CNTNAP4: variants seen among roughly 807,000 people sequenced by gnomAD.
CNTNAP4 encodes the protein contactin associated protein family member 4.
A neutral mutation model predicts 148.4 loss-of-function variants in CNTNAP4; 98 were observed. The ratio of observed to expected loss-of-function variants is 0.66; its 90% CI spans 0.56 to 0.78. CNTNAP4 has a LOEUF of 0.78. CNTNAP4 is among the 30% of genes least tolerant of loss of function. The pLI is 0.00. For missense variants in CNTNAP4, 1,935 were observed against 1,565.6 expected, an observed-to-expected ratio of 1.24 and a Z score of -3.98; for synonymous variants, 730 against 565.1, an observed-to-expected ratio of 1.29 and a Z score of -4.14.
chr16:76,349,420 T>C (rs1431001129), intron 2 of CNTNAP4, among the ~76,000 whole-genome samples: 1 of 152,056 alleles, frequency 6.6e-6, no homozygotes, highest in Non-Finnish European at 1.5e-5. Flanking sequence ...ACAGCATCAG[T>C]AGAGTCACGT....
chr16:76,381,593 T>G (rs2015971557), intron 3 of CNTNAP4, among the ~76,000 whole-genome samples: 1 of 152,146 alleles, frequency 6.6e-6, no homozygotes, highest in East Asian at 1.9e-4. Context: ...TTTAAGAGAA[T>G]TAACATGTGG....
chr16:76,546,444 A>T (rs753682317), intron 21 of CNTNAP4, among the ~76,000 whole-genome samples: 6 of 152,084 alleles, frequency 3.9e-5, no homozygotes, highest in Non-Finnish European at 8.8e-5. Context: ...TGAGAACCCT[A>T]TTGTGAACTG....
intron 3 of CNTNAP4, among the ~76,000 whole-genome samples, chr16:76,366,030 C>CT (rs1351338914): frequency 2.0e-5 from 3 of 151,860 alleles, no homozygotes; most frequent in South Asian, 2.1e-4. Context: ...TCCTGATATG[C>CT]TTTTTTGTTA....
chr16:76,302,578 T>A (rs1214789253), intron 1 of CNTNAP4, among the ~76,000 whole-genome samples: 1 of 152,098 alleles, frequency 6.6e-6, no homozygotes, highest in Non-Finnish European at 1.5e-5. Flanking sequence ...CTTTTGAAGG[T>A]CTCCCCTGAT....
intron 3 of CNTNAP4, among the ~76,000 whole-genome samples, chr16:76,364,233 CAAAAAA>C (rs58589609): frequency 4.2e-5 from 2 of 48,182 alleles, no homozygotes; most frequent in Non-Finnish European, 7.2e-5. Flanking sequence ...GATTCCATCT[CAAAAAA>C]AAAAAAAAAA....
At chr16:76,390,573 G>GT (rs1233676614) in intron 3 of CNTNAP4, among the ~76,000 whole-genome samples, 102 of 97,134 alleles carry the variant, frequency 1.1e-3, no homozygotes, top group African/African-American at 4.0e-3. Flanking sequence ...TAAATAACAG[G>GT]TAAAAAAAAA....
In CNTNAP4 at chr16:76,467,365, A is replaced by G. The variant is rs1433541696; in HGVS notation, c.1497A>G (p.Lys499=). The G allele has an allele frequency of 1.2e-6, 2 of 1,613,812 alleles. No homozygotes were observed. Among genetic ancestry groups the G allele is most frequent in the South Asian group, 2.2e-5 (2 of 91,070 alleles). The change falls in exon 10 of 24, where the codon AAA becomes AAG. Residue 499 remains lysine, a synonymous_variant. Transcript: ENST00000611870. ...CGTTTTTATCAGGTTGTCCTGACAA[A>G]AGCTTTGGATCCAAATGTAAAAGTC... ...GTYYFGGCPD[K]SFGSKCKSPL...
At chr16:76,540,136 T>C (rs2084387432) in intron 20 of CNTNAP4, among the ~76,000 whole-genome samples, 1 of 152,162 alleles carries the variant, frequency 6.6e-6, no homozygotes, top group Admixed American at 6.6e-5. Context: ...GCTATGCTAA[T>C]GAAACCGGTT....
intron 16 of CNTNAP4, 149 bp from the exon 17 acceptor site, chr16:76,521,890 G>T: frequency 1.4e-6 from 1 of 715,358 alleles, no homozygotes. Flanking sequence ...TCAGTGTCAT[G>T]AGTTTCAAAC....
intron 3 of CNTNAP4, among the ~76,000 whole-genome samples, chr16:76,410,267 G>A (rs571240667): frequency 2.0e-5 from 3 of 151,826 alleles, no homozygotes; most frequent in African/African-American, 7.2e-5. Context: ...CAAAGATTGA[G>A]AAGATTTTTT....
intron 2 of CNTNAP4, among the ~76,000 whole-genome samples, chr16:76,321,453 A>G (rs1445374370): frequency 6.6e-6 from 1 of 152,158 alleles, no homozygotes; most frequent in East Asian, 1.9e-4. Flanking sequence ...GTGCTTTTTT[A>G]TGAGTTGGAT....
chr16:76,370,683 A>G (rs1210571345), intron 3 of CNTNAP4, among the ~76,000 whole-genome samples: 2 of 152,262 alleles, frequency 1.3e-5, no homozygotes, highest in South Asian at 2.1e-4. Context: ...TGAAGAAGGT[A>G]TGTTACTAAC....
chr16:76,519,689 A>G (rs1229834435), intron 15 of CNTNAP4, among the ~76,000 whole-genome samples: 1 of 152,220 alleles, frequency 6.6e-6, no homozygotes, highest in African/African-American at 2.4e-5. Flanking sequence ...GGTCTAGTAC[A>G]GGAATAGCTG....
At chr16:76,481,118 A>C (rs190206164) in intron 12 of CNTNAP4, among the ~76,000 whole-genome samples, 1 of 152,358 alleles carries the variant, frequency 6.6e-6, no homozygotes, top group African/African-American at 2.4e-5. Flanking sequence ...ATTTATTGCC[A>C]AGGTGGCATT....
At chr16:76,288,214 C>T (rs769316547) in intron 1 of CNTNAP4, among the ~76,000 whole-genome samples, 51 of 152,028 alleles carry the variant, frequency 3.4e-4, no homozygotes, top group Non-Finnish European at 3.4e-4. Context: ...TTGCCTGCCA[C>T]CATGTAAGAC....
intron 17 of CNTNAP4, among the ~76,000 whole-genome samples, chr16:76,522,561 G>A (rs147651988): frequency 6.4e-4 from 96 of 150,282 alleles, no homozygotes; most frequent in African/African-American, 2.3e-3. Context: ...CTGCCTGCCT[G>A]CCTGCCTGCC....
At chr16:76,482,572 G>T (rs1421065698) in intron 12 of CNTNAP4, among the ~76,000 whole-genome samples, 3 of 152,014 alleles carry the variant, frequency 2.0e-5, no homozygotes, top group Admixed American at 6.5e-5. Context: ...GGCAAACTCT[G>T]TGCCAACACA....
rs190432737 is a variant in CNTNAP4, at chr16:76,375,231, G to A, written c.390+19720G>A. On this transcript the variant is annotated intron_variant, in intron 3 of 23. Coordinates refer to ENST00000611870, the MANE Select transcript of CNTNAP4 (RefSeq NM_033401.5). Reference sequence around the variant, plus strand: ...GACGTCAGAAGTTCGAGACCAGCCTGGTTAACATGGTAAAACCCTGTCTCC... The same window carrying A: ...GACGTCAGAAGTTCGAGACCAGCCTAGTTAACATGGTAAAACCCTGTCTCC... Among the ~76,000 whole-genome samples the A allele has an allele frequency of 2.9e-3, 434 of 152,166 alleles. 1 individual carries two copies. The Middle Eastern group carries it at 0.031, about 11-fold the overall frequency.
chr16:76,471,500 C>G (rs2081372504), intron 10 of CNTNAP4, among the ~76,000 whole-genome samples: 1 of 152,158 alleles, frequency 6.6e-6, no homozygotes, highest in South Asian at 2.1e-4. Flanking sequence ...TTGCCTCCAG[C>G]CTCTGCACCT....
Sources: gnomAD v4.1 joint callset for allele counts (sites outside exome capture counted in the v4.1 genomes callset) on GRCh38, gnomAD v4.1.1 for gene constraint, MANE v1.5 for transcripts, NCBI Gene and HGNC (gene_info 2026-07-23, HGNC 2026-07-21) for gene names.